The following PRDX4 variants were observed in gnomAD, a reference collection of about 807,000 sequenced individuals.
The protein encoded by PRDX4 is peroxiredoxin 4, also known as peroxiredoxin-4.
Under a neutral mutation model 20.5 loss-of-function variants are expected in PRDX4, and 12 were observed. That is an observed-to-expected ratio of 0.58 (90% confidence interval 0.37 to 0.95). The LOEUF (loss-of-function observed/expected upper bound fraction) is 0.95, where lower values mean the gene tolerates loss of function less well. Among genes scored for constraint, PRDX4 ranks in the 40% least tolerant of loss-of-function variants. The probability of loss-of-function intolerance (pLI) is 0.01; values close to 1 mark genes in which losing one functional copy is unlikely to be tolerated. For missense variants in PRDX4, 180 were observed against 207.3 expected, an observed-to-expected ratio of 0.87 and a Z score of 0.81; for synonymous variants, 99 against 87.5, an observed-to-expected ratio of 1.13 and a Z score of -0.73.
chrX:23,675,351 A>G, intron 3 of PRDX4: 1 of 548,692 alleles, frequency 1.8e-6, no homozygotes, highest in Non-Finnish European at 2.7e-6. Flanking sequence ...AATAAGGGGA[A>G]AAGTTAAATG....
chrX:23,686,233 T>C (rs1928181212), intron 6 of PRDX4, 52 bp from the exon 7 acceptor site: 1 of 1,017,667 alleles, frequency 9.8e-7, no homozygotes, highest in Non-Finnish European at 1.3e-6. Context: ...CTACTCATTA[T>C]GTACTTTGGC....
intron 6 of PRDX4, 83 bp from the exon 7 acceptor site, chrX:23,686,202 G>C: frequency 4.2e-6 from 3 of 710,290 alleles, no homozygotes; most frequent in Non-Finnish European, 6.3e-6. Flanking sequence ...TTTAGTCAAG[G>C]CATGGGCAAC....
At chrX:23,670,443 A>T (rs1051172624) in intron 1 of PRDX4, among the ~76,000 whole-genome samples, 2 of 111,969 alleles carry the variant, frequency 1.8e-5, no homozygotes, top group Non-Finnish European at 3.8e-5. Context: ...CATATGTTAT[A>T]TATTAATTTT....
chrX:23,685,442 T>C (rs1928164071), intron 6 of PRDX4, among the ~76,000 whole-genome samples: 1 of 111,943 alleles, frequency 8.9e-6, no homozygotes, highest in South Asian at 3.7e-4. Flanking sequence ...ATTTATACTT[T>C]AAGGTACCTA....
intron 4 of PRDX4, among the ~76,000 whole-genome samples, chrX:23,681,531 G>T (rs895370595): frequency 3.6e-5 from 4 of 112,037 alleles, no homozygotes; most frequent in Non-Finnish European, 7.5e-5. Flanking sequence ...ATTGTATCAT[G>T]TATTGCTACC....
intron 1 of PRDX4, among the ~76,000 whole-genome samples, chrX:23,671,163 T>C (rs1295492679): frequency 8.9e-6 from 1 of 112,363 alleles, no homozygotes; most frequent in African/African-American, 3.2e-5. Context: ...ATCACTTATT[T>C]TCTTGCTACA....
rs1264628600 is a variant in PRDX4, at chrX:23,683,539, G to T, written c.731-132G>T. On this transcript the variant is annotated intron_variant, in intron 5 of 6. Transcript: ENST00000379341. ...TCAACAGGCAGCTAATAGAAGTCATGTGCTCGGTGGTCTGGAAATGTTCTT... is the reference window on the plus strand; with the variant it reads ...TCAACAGGCAGCTAATAGAAGTCATTTGCTCGGTGGTCTGGAAATGTTCTT... 5.6e-6 allele frequency: 3 copies of T among 538,057 alleles called. No homozygotes were observed. The Admixed American group carries it at 1.1e-4, about 20-fold the overall frequency. 44.3% of individuals were successfully genotyped at this position (538,057 alleles called of 1,213,427 possible).
At position 23,676,136 on chromosome X, in the gene PRDX4, C is replaced by CAAAAAAAAA. The variant is rs55792240; in HGVS notation, c.476+1053_476+1061dup. The stretch of plus-strand genomic sequence containing the variant: ...GGGCAATGAGAGTGAAACTCCATCT[C>CAAAAAAAAA]AAAAAAAAAAAAAAAAAAAAAAAAA... On this transcript the variant is annotated intron_variant, in intron 3 of 6. Coordinates refer to ENST00000379341, the MANE Select transcript of PRDX4 (RefSeq NM_006406.2). 2.2e-3 allele frequency among the ~76,000 whole-genome samples: 119 copies of CAAAAAAAAA among 54,957 alleles called. 2 individuals are homozygous for CAAAAAAAAA. Among genetic ancestry groups the CAAAAAAAAA allele is most frequent in the Non-Finnish European group, 3.0e-3 (93 of 30,541 alleles). 47.7% of individuals were successfully genotyped at this position (54,957 alleles called of 115,157 possible). A position where few individuals can be genotyped will look rare whatever the true frequency, so the allele number is the denominator to read the frequency against.
At chrX:23,679,659 C>T (rs1410787660) in intron 4 of PRDX4, among the ~76,000 whole-genome samples, 4 of 104,138 alleles carry the variant, frequency 3.8e-5, no homozygotes, top group Non-Finnish European at 7.8e-5. Flanking sequence ...GCACTCCAGC[C>T]TGGGCGACAG....
intron 1 of PRDX4, among the ~76,000 whole-genome samples, chrX:23,669,723 A>T (rs1186208480): frequency 9.1e-6 from 1 of 110,227 alleles, no homozygotes; most frequent in African/African-American, 3.3e-5. Context: ...TCGAGACCAG[A>T]CTGGCCAGCA....
intron 2 of PRDX4, among the ~76,000 whole-genome samples, chrX:23,674,040 A>G (rs1244380543): frequency 9.0e-6 from 1 of 110,865 alleles, no homozygotes; most frequent in African/African-American, 3.3e-5. Flanking sequence ...GCACATATAT[A>G]TACGGTAACA....
intron 3 of PRDX4, among the ~76,000 whole-genome samples, chrX:23,676,381 ATC>A (rs1238659066): frequency 2.7e-5 from 3 of 110,994 alleles, no homozygotes; most frequent in African/African-American, 3.3e-5. Flanking sequence ...TTCCTTAAGT[ATC>A]TCAATTTTCA....
At chrX:23,671,286 T>C in intron 1 of PRDX4, 1 of 303,002 alleles carries the variant, frequency 3.3e-6, no homozygotes, top group Non-Finnish European at 5.7e-6. Flanking sequence ...ACATGTATTA[T>C]GATATCACCA....
At chrX:23,679,855 G>A (rs889188539) in intron 4 of PRDX4, among the ~76,000 whole-genome samples, 2 of 109,965 alleles carry the variant, frequency 1.8e-5, no homozygotes, top group East Asian at 2.8e-4. Context: ...AGTGGCATAC[G>A]CTTGTAGTCC....
At chrX:23,676,949 T>C (rs1465909299) in intron 3 of PRDX4, among the ~76,000 whole-genome samples, 1 of 111,114 alleles carries the variant, frequency 9.0e-6, no homozygotes, top group African/African-American at 3.3e-5. Context: ...CAACAATCCT[T>C]CTACCTCCCC....
At chrX:23,669,774 G>A (rs760587750) in intron 1 of PRDX4, among the ~76,000 whole-genome samples, 40 of 109,981 alleles carry the variant, frequency 3.6e-4, no homozygotes, top group South Asian at 2.4e-3. Context: ...AAAATTAGCC[G>A]GGTGTGATGG....
chrX:23,677,892 G>A (rs962556312), intron 3 of PRDX4, among the ~76,000 whole-genome samples: 5 of 112,152 alleles, frequency 4.5e-5, no homozygotes, highest in Non-Finnish European at 9.4e-5. Context: ...ATGGTTTGAC[G>A]TATAATTTTT....
rs1176031829 is a variant in PRDX4, at chrX:23,667,584, C to T, written c.14C>T (p.Pro5Leu). The change falls in exon 1 of 7, where the codon CCG (proline) becomes CTG (leucine). Residue 5 changes from proline to leucine, a missense_variant. Transcript: ENST00000379341. MEAL[P>L]LLAATTPDHG... ...GCTCGCGTGGTCATGGAGGCGCTGC[C>T]GCTGCTAGCCGCGACAACTCCGGAC... is the stretch of plus-strand genomic sequence containing the variant. 84 of 1,186,199 alleles carry T rather than the reference C, an allele frequency of 7.1e-5. No homozygotes were observed. The highest frequency in any genetic ancestry group is 9.4e-5 in the Non-Finnish European group (83 of 883,687).
chrX:23,682,916 T>C (rs1310514505), intron 5 of PRDX4, among the ~76,000 whole-genome samples: 1 of 87,337 alleles, frequency 1.1e-5, no homozygotes, highest in Non-Finnish European at 2.1e-5. Flanking sequence ...GATGCAAAAA[T>C]ATTCACTATT....
Sources: gnomAD v4.1 joint callset for allele counts (sites outside exome capture counted in the v4.1 genomes callset) on GRCh38, gnomAD v4.1.1 for gene constraint, MANE v1.5 for transcripts, NCBI Gene and HGNC (gene_info 2026-07-23, HGNC 2026-07-21) for gene names.